Variants in KATNBL1 observed in about 807,000 individuals in gnomAD.
The protein encoded by KATNBL1 is KATNB1-like protein 1.
In KATNBL1, 28 loss-of-function variants were observed where a neutral mutation model predicts 44.7. The ratio of observed to expected loss-of-function variants is 0.63; its 90% CI spans 0.46 to 0.86. The LOEUF is 0.86. KATNBL1 is among the 40% of genes least tolerant of loss of function. The pLI is 0.00. For missense variants in KATNBL1, 272 were observed against 350.7 expected, an observed-to-expected ratio of 0.78 and a Z score of 1.79; for synonymous variants, 78 against 114.9, an observed-to-expected ratio of 0.68 and a Z score of 2.06.
At chr15:34,171,640 T>C (rs1352545479) in intron 1 of KATNBL1, among the ~76,000 whole-genome samples, 1 of 152,228 alleles carries the variant, frequency 6.6e-6, no homozygotes, top group African/African-American at 2.4e-5. Flanking sequence ...TGAACATGTA[T>C]GTTTATTGCA....
In KATNBL1 at chr15:34,142,407, T is replaced by C. The variant is rs775447096; in HGVS notation, c.883-36A>G. 21 of 1,551,270 alleles carry C rather than the reference T, an allele frequency of 1.4e-5. No individual in the cohort carries two copies. In the Admixed American group the frequency reaches 4.4e-4, roughly 32 times the overall value. On this transcript the variant is annotated intron_variant, in intron 9 of 9. Coordinates refer to ENST00000256544, the MANE Select transcript of KATNBL1 (RefSeq NM_024713.3). ...AAAACAAAAACATTTCATTAGACAG[T>C]ACAGTAAATACAAACATAAACAATC...
chr15:34,148,977 A>G (rs1888390088), intron 4 of KATNBL1, among the ~76,000 whole-genome samples: 1 of 152,232 alleles, frequency 6.6e-6, no homozygotes, highest in Non-Finnish European at 1.5e-5. Flanking sequence ...TTAAAACCCA[A>G]TAATTTATAA....
rs1049892247 is a variant in KATNBL1, at chr15:34,142,433, CA to C, written c.883-63del. 8.0e-6 allele frequency: 12 copies of C among 1,502,088 alleles called. No homozygotes were observed. In the East Asian group the frequency reaches 9.6e-5, roughly 12 times the overall value. The allele number at this position is 1,502,088 out of a possible 1,614,324, so 93.0% of individuals were successfully genotyped here. A position where few individuals can be genotyped will look rare whatever the true frequency, so the allele number is the denominator to read the frequency against. ...ACAGTAAATACAAACATAAACAATC[CA>C]TTTTTTTTTGTTGTTGCTTAATTTG... On this transcript the variant is annotated intron_variant, in intron 9 of 9. Transcript: ENST00000256544.
rs930649605 is a variant in KATNBL1 at position 34,177,588 on chromosome 15, G to A, written c.-14-13898C>T. ...GAGCCCGCGAGGCAGAGGTTGCAGC[G>A]AGCCACTGTACTCCAGCCTGGGTGA... On this transcript the variant is annotated intron_variant, in intron 1 of 9. Transcript: ENST00000256544. Among the ~76,000 whole-genome samples the A allele has an allele frequency of 2.0e-4, 26 of 129,960 alleles. 1 individual carries two copies. The highest frequency in any genetic ancestry group is 7.2e-4 in the African/African-American group (25 of 34,940). The allele number at this position is 129,960 out of a possible 152,430, so 85.3% of individuals were successfully genotyped here.
At chr15:34,179,346 T>G (rs1429202010) in intron 1 of KATNBL1, among the ~76,000 whole-genome samples, 1 of 152,192 alleles carries the variant, frequency 6.6e-6, no homozygotes, top group Non-Finnish European at 1.5e-5. Context: ...ATAATGAACC[T>G]GCTCCTATGA....
At chr15:34,143,196 C>T (rs1035261515) in intron 9 of KATNBL1, among the ~76,000 whole-genome samples, 3 of 136,306 alleles carry the variant, frequency 2.2e-5, no homozygotes, top group South Asian at 2.5e-4. Flanking sequence ...TGATTGTGGC[C>T]GGGTGTGGTG....
chr15:34,203,117 A>G (rs1890211785), intron 1 of KATNBL1, among the ~76,000 whole-genome samples: 1 of 152,242 alleles, frequency 6.6e-6, no homozygotes, highest in South Asian at 2.1e-4. Flanking sequence ...CTTGAACTTA[A>G]CATATTAAAA....
chr15:34,167,505 C>T (rs574384712), intron 1 of KATNBL1, among the ~76,000 whole-genome samples: 36 of 152,114 alleles, frequency 2.4e-4, no homozygotes, highest in Non-Finnish European at 3.5e-4. Flanking sequence ...AGAATGCAAC[C>T]AGTCAGAAAA....
intron 1 of KATNBL1, among the ~76,000 whole-genome samples, chr15:34,167,114 T>G (rs1384381230): frequency 6.6e-6 from 1 of 152,170 alleles, no homozygotes; most frequent in Non-Finnish European, 1.5e-5. Flanking sequence ...GTTGACAGAA[T>G]TAGGCTTCAG....
At chr15:34,194,495 C>T (rs1035520332) in intron 1 of KATNBL1, among the ~76,000 whole-genome samples, 3 of 151,966 alleles carry the variant, frequency 2.0e-5, no homozygotes, top group Admixed American at 1.3e-4. Flanking sequence ...TGGTGGCACG[C>T]GCCTGTAGTT....
chr15:34,172,538 T>C (rs1889195615), intron 1 of KATNBL1, among the ~76,000 whole-genome samples: 1 of 152,134 alleles, frequency 6.6e-6, no homozygotes, highest in South Asian at 2.1e-4. Flanking sequence ...ATTACAGGTG[T>C]AAGCCACTGC....
intron 2 of KATNBL1, among the ~76,000 whole-genome samples, chr15:34,162,814 A>G (rs1164172480): frequency 6.6e-6 from 1 of 151,746 alleles, no homozygotes; most frequent in African/African-American, 2.4e-5. Flanking sequence ...GAGTCTCACT[A>G]TGTTGTCCAG....
intron 1 of KATNBL1, among the ~76,000 whole-genome samples, chr15:34,164,159 G>A (rs1196374929): frequency 2.0e-5 from 3 of 152,178 alleles, no homozygotes; most frequent in Non-Finnish European, 4.4e-5. Flanking sequence ...CTCCCTAAAT[G>A]CTGGGATTAC....
chr15:34,172,822 A>G (rs1889212365), intron 1 of KATNBL1, among the ~76,000 whole-genome samples: 1 of 151,714 alleles, frequency 6.6e-6, no homozygotes, highest in Non-Finnish European at 1.5e-5. Flanking sequence ...ACTAACATCA[A>G]TGGTGGTCTG....
chr15:34,148,794 G>A (rs1398999686), intron 4 of KATNBL1, 44 bp from the exon 5 acceptor site: 45 of 1,097,508 alleles, frequency 4.1e-5, no homozygotes, highest in Non-Finnish European at 6.2e-5. Context: ...CACTGAAACA[G>A]GGTATGAAAC....
At chr15:34,172,619 GC>G (rs1201333246) in intron 1 of KATNBL1, among the ~76,000 whole-genome samples, 4 of 152,126 alleles carry the variant, frequency 2.6e-5, no homozygotes, top group African/African-American at 9.7e-5. Context: ...TGTTGAGACC[GC>G]TAATCTTTCT....
intron 1 of KATNBL1, among the ~76,000 whole-genome samples, chr15:34,167,754 A>C (rs1035871595): frequency 6.6e-6 from 1 of 152,242 alleles, no homozygotes; most frequent in Non-Finnish European, 1.5e-5. Context: ...CAGAAACCCT[A>C]CAAGCCAGAA....
intron 2 of KATNBL1, among the ~76,000 whole-genome samples, chr15:34,161,488 T>C (rs1237365886): frequency 2.0e-5 from 3 of 152,248 alleles, no homozygotes; most frequent in Non-Finnish European, 4.4e-5. Flanking sequence ...ATCAGCACTC[T>C]GGCAAAAGGC....
intron 1 of KATNBL1, among the ~76,000 whole-genome samples, chr15:34,194,493 C>T (rs558310088): frequency 3.4e-4 from 52 of 151,958 alleles, no homozygotes; most frequent in Non-Finnish European, 4.3e-4. Flanking sequence ...CATGGTGGCA[C>T]GCGCCTGTAG....
Sources: gnomAD v4.1 joint callset for allele counts (sites outside exome capture counted in the v4.1 genomes callset) on GRCh38, gnomAD v4.1.1 for gene constraint, MANE v1.5 for transcripts, NCBI Gene and HGNC (gene_info 2026-07-23, HGNC 2026-07-21) for gene names.